GRIK4: variants seen among roughly 807,000 people sequenced by gnomAD.
The protein encoded by GRIK4 is glutamate ionotropic receptor kainate type subunit 4.
GRIK4 carries 40 observed loss-of-function variants against 104.9 expected under a neutral mutation model. The ratio of observed to expected loss-of-function variants is 0.38; its 90% confidence interval spans 0.30 to 0.50. GRIK4 has a LOEUF of 0.50. Among genes scored for constraint, GRIK4 ranks in the 20% least tolerant of loss-of-function variants. The probability of loss-of-function intolerance (pLI) is 0.93; values close to 1 mark genes in which losing one functional copy is unlikely to be tolerated. For missense variants in GRIK4, 1,047 were observed against 1,308.1 expected (o/e 0.80, Z 3.08); for synonymous variants, 485 against 524.9 (o/e 0.92, Z 1.04).
At chr11:120,699,944 G>C (rs543028143) in intron 3 of GRIK4, among the ~76,000 whole-genome samples, 2 of 152,330 alleles carry the variant, frequency 1.3e-5, no homozygotes, top group South Asian at 4.1e-4. Context: ...GGGTTCTTTA[G>C]GGTAAAATGG....
intron 8 of GRIK4, among the ~76,000 whole-genome samples, chr11:120,850,349 T>C (rs957011541): frequency 6.6e-6 from 1 of 152,126 alleles, no homozygotes; most frequent in Non-Finnish European, 1.5e-5. Context: ...GGGGTCATCT[T>C]AGAATCCTGC....
intron 1 of GRIK4, among the ~76,000 whole-genome samples, chr11:120,643,587 G>A (rs547600623): frequency 4.0e-4 from 61 of 152,344 alleles, no homozygotes; most frequent in African/African-American, 1.5e-3. Context: ...ATCTAGTCTG[G>A]TCCTGTGGGA....
intron 3 of GRIK4, among the ~76,000 whole-genome samples, chr11:120,664,518 C>T (rs11217944): frequency 0.022 from 3,286 of 152,294 alleles, 100 homozygotes; most frequent in African/African-American, 0.068. Context: ...TCCCCTGTTA[C>T]AGATGAAGCA....
intron 7 of GRIK4, 53 bp from the exon 8 acceptor site, chr11:120,836,738 G>T: frequency 8.3e-7 from 1 of 1,202,244 alleles, no homozygotes; most frequent in Non-Finnish European, 1.2e-6. Flanking sequence ...CTGCTCATTT[G>T]CTTCAAGTGA....
At chr11:120,679,519 G>T (rs957050201) in intron 3 of GRIK4, among the ~76,000 whole-genome samples, 2 of 152,198 alleles carry the variant, frequency 1.3e-5, no homozygotes, top group African/African-American at 4.8e-5. Context: ...ACAGTCCTGG[G>T]ACAGGCCACT....
chr11:120,675,376 C>T (rs1950083083), intron 3 of GRIK4, among the ~76,000 whole-genome samples: 1 of 152,116 alleles, frequency 6.6e-6, no homozygotes. Context: ...TGGCCTGGAT[C>T]CAAAATTTGT....
At chr11:120,879,324 G>A (rs955244673) in intron 11 of GRIK4, among the ~76,000 whole-genome samples, 1 of 152,150 alleles carries the variant, frequency 6.6e-6, no homozygotes, top group Non-Finnish European at 1.5e-5. Context: ...AGCTGGGCTG[G>A]GCGTTCCTTA....
rs139789105 is a variant in GRIK4 at position 120,722,996 on chromosome 11, G to T, written c.82+62596G>T. ...CAGCCATTCCTCATCCGTAAATGGTGCTTCGTAGCAGAAGCATATGTGAAG... is the reference window on the plus strand; with the variant it reads ...CAGCCATTCCTCATCCGTAAATGGTTCTTCGTAGCAGAAGCATATGTGAAG... On this transcript the variant is annotated intron_variant, in intron 3 of 20. Transcript: ENST00000527524. 4.2e-3 allele frequency among the ~76,000 whole-genome samples: 634 copies of T among 152,288 alleles called. 10 individuals are homozygous for T. Among genetic ancestry groups the T allele is most frequent in the African/African-American group, 0.015 (604 of 41,556 alleles).
At chr11:120,667,064 A>G (rs1483243165) in intron 3 of GRIK4, among the ~76,000 whole-genome samples, 1 of 152,228 alleles carries the variant, frequency 6.6e-6, no homozygotes, top group African/African-American at 2.4e-5. Flanking sequence ...CAGGTCGGAC[A>G]GGGATTTCAG....
In GRIK4 at chr11:120,952,926, C is replaced by T. The variant is rs768738313; in HGVS notation, c.1662C>T (p.Ala554=). 6.8e-6 allele frequency: 11 copies of T among 1,613,672 alleles called. No homozygotes were observed. Among genetic ancestry groups the T allele is most frequent in the Admixed American group, 1.7e-5 (1 of 60,000 alleles). ...SPGVWLFMLL[A]YLAVSCVLFL... ...GCGTCTGGCTCTTCATGCTTCTAGCCTATCTGGCCGTCAGCTGTGTCCTCT... is the reference window on the plus strand; with the variant it reads ...GCGTCTGGCTCTTCATGCTTCTAGCTTATCTGGCCGTCAGCTGTGTCCTCT... Residue 554 remains alanine, a synonymous_variant, in exon 15 of 21, where the codon GCC becomes GCT. Transcript: ENST00000527524. This position sits in a 1 kb window ranked among gnomAD's most constrained non-coding sequence, Gnocchi z 5.2.
intron 1 of GRIK4, among the ~76,000 whole-genome samples, chr11:120,530,623 G>A (rs571582917): frequency 6.6e-6 from 1 of 152,300 alleles, no homozygotes; most frequent in African/African-American, 2.4e-5. Flanking sequence ...CCCAAACCTG[G>A]GTTCCAGACG....
intron 1 of GRIK4, among the ~76,000 whole-genome samples, chr11:120,516,555 A>G (rs1264138762): frequency 6.6e-6 from 1 of 151,884 alleles, no homozygotes; most frequent in Non-Finnish European, 1.5e-5. Flanking sequence ...GAGAAGGCTC[A>G]GGTCAGTGCA....
intron 1 of GRIK4, among the ~76,000 whole-genome samples, chr11:120,566,122 GCCTATTAC>G (rs1429149372): frequency 3.3e-5 from 5 of 152,218 alleles, no homozygotes; most frequent in Admixed American, 1.3e-4. Context: ...CCTGTTCTTT[GCCTATTAC>G]CCTAGGCCTC....
chr11:120,931,784 G>A (rs1475492886), intron 13 of GRIK4, among the ~76,000 whole-genome samples: 1 of 152,192 alleles, frequency 6.6e-6, no homozygotes, highest in East Asian at 1.9e-4. Flanking sequence ...GTCCAATACT[G>A]TAGGACATTC....
chr11:120,883,708 G>C (rs1242013060), intron 11 of GRIK4, among the ~76,000 whole-genome samples: 3 of 152,232 alleles, frequency 2.0e-5, no homozygotes, highest in Non-Finnish European at 2.9e-5. Flanking sequence ...AAACAAATTA[G>C]AGCTACTTAA....
chr11:120,536,091 T>C (rs1254294091), intron 1 of GRIK4, among the ~76,000 whole-genome samples: 1 of 152,248 alleles, frequency 6.6e-6, no homozygotes, highest in Non-Finnish European at 1.5e-5. Flanking sequence ...GTATTGTGTG[T>C]AGCACTAAGA....
intron 14 of GRIK4, among the ~76,000 whole-genome samples, chr11:120,941,813 C>T: frequency 6.6e-6 from 1 of 152,130 alleles, no homozygotes; most frequent in South Asian, 2.1e-4. Context: ...GAGAGCCTGG[C>T]CCCACCAATA....
At chr11:120,693,736 A>G (rs1950401133) in intron 3 of GRIK4, among the ~76,000 whole-genome samples, 1 of 152,164 alleles carries the variant, frequency 6.6e-6, no homozygotes, top group Middle Eastern at 3.2e-3. Context: ...GGATTTGGCC[A>G]TGGATTGGAT....
chr11:120,532,644 C>T (rs183972469), intron 1 of GRIK4, among the ~76,000 whole-genome samples: 4 of 152,316 alleles, frequency 2.6e-5, no homozygotes, highest in Admixed American at 6.5e-5. Flanking sequence ...GGTTTCATTT[C>T]GCTGGCTTCA....
Sources: gnomAD v4.1 joint callset for allele counts (sites outside exome capture counted in the v4.1 genomes callset) on GRCh38, gnomAD v4.1.1 for gene constraint, Gnocchi (gnomAD v3.1) non-coding constraint, MANE v1.5 for transcripts, NCBI Gene and HGNC (gene_info 2026-07-23, HGNC 2026-07-21) for gene names.